Variants in CACNB2 observed in about 807,000 individuals in gnomAD.
The protein encoded by CACNB2 is voltage-dependent L-type calcium channel subunit beta-2.
In CACNB2, 42 loss-of-function variants were observed where a neutral mutation model predicts 73.3. The ratio of observed to expected loss-of-function variants is 0.57; its 90% CI spans 0.45 to 0.74. The LOEUF (loss-of-function observed/expected upper bound fraction) is 0.74. Ranked by LOEUF, CACNB2 falls within the 30% of genes least tolerant of loss-of-function variation. The pLI is 0.00. For missense variants in CACNB2, 940 were observed against 853.0 expected, an observed-to-expected ratio of 1.10 and a Z score of -1.27; for synonymous variants, 348 against 310.3, an observed-to-expected ratio of 1.12 and a Z score of -1.28.
At chr10:18,474,622 G>T (rs375817189) in intron 3 of CACNB2, among the ~76,000 whole-genome samples, 8 of 152,134 alleles carry the variant, frequency 5.3e-5, no homozygotes, top group African/African-American at 1.9e-4. Context: ...TTAGATCTGT[G>T]AAGCACATCT....
At chr10:18,514,547 A>G (rs2051090221) in intron 7 of CACNB2, 178 bp downstream of exon 7, 1 of 1,613,482 alleles carries the variant, frequency 6.2e-7, no homozygotes, top group Admixed American at 1.7e-5. Flanking sequence ...TTACATTGAC[A>G]TAAGCTGTGT....
chr10:18,208,937 C>G (rs1454039657), intron 2 of CACNB2, among the ~76,000 whole-genome samples: 8 of 152,210 alleles, frequency 5.3e-5, no homozygotes, highest in African/African-American at 1.9e-4. Flanking sequence ...TGGTGGGATT[C>G]TCTGGAGCAC....
intron 2 of CACNB2, among the ~76,000 whole-genome samples, chr10:18,339,449 A>G (rs900798375): frequency 1.3e-5 from 2 of 152,178 alleles, no homozygotes; most frequent in African/African-American, 4.8e-5. Context: ...TGAACCTGAG[A>G]GGCAGAGGTT....
rs546132396 is a variant in CACNB2 at position 18,220,728 on chromosome 10, A to G, written c.213+69753A>G. Among the ~76,000 whole-genome samples the G allele has an allele frequency of 5.3e-3, 803 of 152,298 alleles. 5 individuals carry two copies. The highest frequency in any genetic ancestry group is 6.9e-3 in the Non-Finnish European group (470 of 68,024). ...CACCTCCTGTTAGATCAGCAGCAGC[A>G]TCAGATTCTCATAGGAGCGTGCAAA... is the stretch of plus-strand genomic sequence containing the variant. On this transcript the variant is annotated intron_variant, in intron 2 of 13. Coordinates refer to ENST00000324631, the MANE Select transcript of CACNB2 (RefSeq NM_201596.3).
intron 2 of CACNB2, among the ~76,000 whole-genome samples, chr10:18,366,791 CA>C (rs111469276): frequency 5.5e-5 from 8 of 146,634 alleles, no homozygotes; most frequent in South Asian, 2.1e-4. Context: ...GACTCCGTCT[CA>C]AAAAAAAAAA....
chr10:18,301,903 C>T (rs1445099356), intron 2 of CACNB2, among the ~76,000 whole-genome samples: 2 of 151,944 alleles, frequency 1.3e-5, no homozygotes, highest in Non-Finnish European at 2.9e-5. Context: ...CACCTTGGCC[C>T]CCCAGGGTGC....
chr10:18,518,427 G>C lies in CACNB2; in HGVS notation c.885+11G>C, dbSNP rs777215227. 1 of 1,561,148 alleles carries C rather than the reference G, an allele frequency of 6.4e-7. No homozygotes were observed. The highest frequency in any genetic ancestry group is 8.8e-7 in the Non-Finnish European group (1 of 1,132,036). On this transcript the variant is annotated intron_variant, in intron 8 of 13. Transcript: ENST00000324631. ...CTGAAGGGCTACGAGGTGGGTAGCA[G>C]CCTTCCACAGGAAGCTTAACTTGCA...
At chr10:18,173,629 A>AT (rs112558838) in intron 2 of CACNB2, among the ~76,000 whole-genome samples, 2 of 151,918 alleles carry the variant, frequency 1.3e-5, no homozygotes, top group African/African-American at 4.8e-5. Context: ...TTGTGGTTTA[A>AT]TTTTTTTTGC....
At chr10:18,494,901 GT>G (rs924221328) in intron 3 of CACNB2, among the ~76,000 whole-genome samples, 2 of 151,704 alleles carry the variant, frequency 1.3e-5, no homozygotes, top group South Asian at 2.1e-4. Flanking sequence ...TCTCTACAAA[GT>G]TTTTTTAAAA....
intron 2 of CACNB2, among the ~76,000 whole-genome samples, chr10:18,313,670 T>A (rs920120301): frequency 2.6e-5 from 4 of 152,154 alleles, no homozygotes; most frequent in Non-Finnish European, 5.9e-5. Context: ...AAATAAATAA[T>A]CAATCTATTA....
At chr10:18,343,972 TA>T (rs1224693654) in intron 2 of CACNB2, among the ~76,000 whole-genome samples, 6 of 151,188 alleles carry the variant, frequency 4.0e-5, no homozygotes, top group African/African-American at 1.5e-4. Context: ...AGACAACAAA[TA>T]AGATGATGAT....
chr10:18,200,063 A>C (rs1214592351), intron 2 of CACNB2, among the ~76,000 whole-genome samples: 1 of 151,766 alleles, frequency 6.6e-6, no homozygotes, highest in Non-Finnish European at 1.5e-5. Flanking sequence ...CACTTCATTT[A>C]GTTTTTGTTT....
intron 2 of CACNB2, among the ~76,000 whole-genome samples, chr10:18,211,024 A>T (rs1202844294): frequency 6.6e-6 from 1 of 152,182 alleles, no homozygotes; most frequent in Non-Finnish European, 1.5e-5. Flanking sequence ...TGCTGTGAAG[A>T]TTAAATGAGA....
At chr10:18,469,928 G>A (rs2048094368) in intron 3 of CACNB2, among the ~76,000 whole-genome samples, 1 of 152,068 alleles carries the variant, frequency 6.6e-6, no homozygotes, top group Non-Finnish European at 1.5e-5. Context: ...GGGATCTTGA[G>A]GTTAAGAGTC....
intron 2 of CACNB2, among the ~76,000 whole-genome samples, chr10:18,220,435 AAT>A (rs578171341): frequency 1.2e-3 from 184 of 148,590 alleles, no homozygotes; most frequent in African/African-American, 4.3e-3. Context: ...AATTTTTTTT[AAT>A]ATATATTTTT....
At chr10:18,413,802 G>A (rs2044771631) in intron 3 of CACNB2, among the ~76,000 whole-genome samples, 1 of 152,206 alleles carries the variant, frequency 6.6e-6, no homozygotes, top group Non-Finnish European at 1.5e-5. Context: ...CAGGATTCCA[G>A]TGATAATTGA....
chr10:18,367,745 A>T lies in CACNB2; in HGVS notation c.214-34179A>T, dbSNP rs138713602. ...GTATGCAAATAAAAGATGAAGCTAA[A>T]CTTTAAGAGTTAGGGATACATTTTT... On this transcript the variant is annotated intron_variant, in intron 2 of 13. Transcript: ENST00000324631. Among the ~76,000 whole-genome samples the T allele has an allele frequency of 3.7e-3, 564 of 152,308 alleles. 1 individual carries two copies. The highest frequency in any genetic ancestry group is 0.013 in the African/African-American group (541 of 41,576).
At chr10:18,339,932 T>G (rs866128608) in intron 2 of CACNB2, among the ~76,000 whole-genome samples, 1 of 152,178 alleles carries the variant, frequency 6.6e-6, no homozygotes, top group Non-Finnish European at 1.5e-5. Flanking sequence ...TTCACCAAGA[T>G]CTGAGATTTT....
chr10:18,480,717 G>T (rs1259507267), intron 3 of CACNB2, among the ~76,000 whole-genome samples: 1 of 152,146 alleles, frequency 6.6e-6, no homozygotes, highest in Non-Finnish European at 1.5e-5. Flanking sequence ...AACTGCTTAG[G>T]AACTATGGTT....
Sources: allele counts gnomAD v4.1 joint callset (sites outside exome capture counted in the v4.1 genomes callset), GRCh38; gene constraint gnomAD v4.1.1; transcripts MANE v1.5; gene names NCBI Gene and HGNC (gene_info 2026-07-23, HGNC 2026-07-21).